The following FAM163B variants were observed in gnomAD, a reference collection of about 807,000 sequenced individuals.
The protein encoded by FAM163B is family with sequence similarity 163 member B, also known as protein FAM163B.
In FAM163B, 4 loss-of-function variants were observed where a neutral mutation model predicts 7.6. The ratio of observed to expected loss-of-function variants is 0.52; its 90% CI spans 0.26 to 1.20. The LOEUF is 1.20. Among genes scored for constraint, FAM163B ranks in the 50% most tolerant of loss-of-function variants. The probability of loss-of-function intolerance (pLI) is 0.14; values close to 1 mark genes in which losing one functional copy is unlikely to be tolerated. For missense variants in FAM163B, 250 were observed against 243.0 expected (o/e 1.03, Z -0.19); for synonymous variants, 120 against 111.6 (o/e 1.07, Z -0.47).
At chr9:133,586,388 C>T (rs1259868927) in intron 1 of FAM163B, among the ~76,000 whole-genome samples, 1 of 152,214 alleles carries the variant, frequency 6.6e-6, no homozygotes, top group South Asian at 2.1e-4. Flanking sequence ...TGCTGCCGGG[C>T]TTGGCACAGA....
intron 1 of FAM163B, among the ~76,000 whole-genome samples, chr9:133,597,079 C>T (rs1342237002): frequency 6.6e-6 from 1 of 152,170 alleles, no homozygotes; most frequent in Non-Finnish European, 1.5e-5. Context: ...TTCAAAATAT[C>T]TGGCATCCAG....
In FAM163B at chr9:133,600,774, C is replaced by T. The variant is rs1347494441; in HGVS notation, c.-24+8303G>A. 2.0e-5 allele frequency among the ~76,000 whole-genome samples: 3 copies of T among 152,162 alleles called. No homozygotes were observed. The highest frequency in any genetic ancestry group is 2.9e-5 in the Non-Finnish European group (2 of 68,030). On this transcript the variant is annotated intron_variant, in intron 1 of 2. Coordinates refer to ENST00000673969, the MANE Select transcript of FAM163B (RefSeq NM_001080515.3). The surrounding 1 kb of genome is among the most constrained non-coding windows in gnomAD (Gnocchi z 4.9). Reference sequence around the variant, plus strand: ...GCTGCTCAGAATCTGAGACTCCTTTCCTCTTCGATTCGGAAGGGACTTTGG... The same window carrying T: ...GCTGCTCAGAATCTGAGACTCCTTTTCTCTTCGATTCGGAAGGGACTTTGG...
At chr9:133,590,055 CCCTTCCCTTCCCCTT>C (rs1413794468) in intron 1 of FAM163B, among the ~76,000 whole-genome samples, 4,675 of 32,314 alleles carry the variant, frequency 0.14, 920 homozygotes, top group African/African-American at 0.27. Flanking sequence ...CCCTTCCCTT[CCCTTCCCTTCCCCTT>C]CCCTTCCCCT....
intron 1 of FAM163B, among the ~76,000 whole-genome samples, chr9:133,592,289 A>G (rs1199192465): frequency 3.3e-5 from 5 of 152,122 alleles, no homozygotes; most frequent in African/African-American, 1.2e-4. Flanking sequence ...TGTCTACAGG[A>G]ATCACGACTG....
intron 1 of FAM163B, among the ~76,000 whole-genome samples, chr9:133,599,428 G>C (rs1474731391): frequency 6.6e-6 from 1 of 152,154 alleles, no homozygotes; most frequent in Admixed American, 6.5e-5. Context: ...GTGTCTGTGT[G>C]TTTGCATCTG....
At chr9:133,608,595 T>TTCTGCA (rs1398536444) in intron 1 of FAM163B, among the ~76,000 whole-genome samples, 1 of 152,204 alleles carries the variant, frequency 6.6e-6, no homozygotes, top group African/African-American at 2.4e-5. Context: ...GAGACTCAGT[T>TTCTGCA]TCTGCATCTG....
rs1487060881 is a variant in FAM163B at position 133,600,707 on chromosome 9, G to A, written c.-24+8370C>T. Among the ~76,000 whole-genome samples, 3 of 105,938 alleles carry A rather than the reference G, an allele frequency of 2.8e-5. No homozygotes were observed. The highest frequency in any genetic ancestry group is 1.4e-4 in the African/African-American group (3 of 21,834). 69.5% of individuals were successfully genotyped at this position (105,938 alleles called of 152,430 possible). On this transcript the variant is annotated intron_variant, in intron 1 of 2. Coordinates refer to ENST00000673969, the MANE Select transcript of FAM163B (RefSeq NM_001080515.3). The surrounding 1 kb of genome is among the most constrained non-coding windows in gnomAD (Gnocchi z 4.9). ...AGTCGCAGGCTCCCAGAATCTTAAA[G>A]CCACATTTTAGAGTCTTAAAAATCA...
At position 133,601,258 on chromosome 9, in the gene FAM163B, A is replaced by AT. The variant is rs374885002; in HGVS notation, c.-24+7818dup. On this transcript the variant is annotated intron_variant, in intron 1 of 2. Transcript: ENST00000673969. The surrounding 1 kb of genome is among the most constrained non-coding windows in gnomAD (Gnocchi z 4.1). ...TTGGAGCCGACTCAGTGATTCTATTATAACTTGTGCAGGTAACTCTGCTGC... is the reference window on the plus strand; with the variant it reads ...TTGGAGCCGACTCAGTGATTCTATTATTAACTTGTGCAGGTAACTCTGCTGC... Among the ~76,000 whole-genome samples the AT allele has an allele frequency of 9.0e-4, 137 of 152,292 alleles. 2 individuals carry two copies. Among genetic ancestry groups the AT allele is most frequent in the African/African-American group, 3.1e-3 (129 of 41,568 alleles).
chr9:133,584,324 C>A (rs1399481354), intron 1 of FAM163B, among the ~76,000 whole-genome samples: 1 of 152,156 alleles, frequency 6.6e-6, no homozygotes, highest in Non-Finnish European at 1.5e-5. Flanking sequence ...TCCTGCTCTA[C>A]TCTTGCGGGT....
chr9:133,586,352 G>GA (rs1478745421), intron 1 of FAM163B, among the ~76,000 whole-genome samples: 1 of 152,242 alleles, frequency 6.6e-6, no homozygotes, highest in African/African-American at 2.4e-5. Flanking sequence ...CTAGGAGGCA[G>GA]AAAATGCCCA....
intron 1 of FAM163B, among the ~76,000 whole-genome samples, chr9:133,599,979 G>C (rs1214302782): frequency 1.3e-5 from 2 of 150,460 alleles, no homozygotes; most frequent in East Asian, 2.0e-4. Context: ...GTGTGTGTCT[G>C]TGTGCATATG....
chr9:133,592,891 G>C (rs945094740), intron 1 of FAM163B, among the ~76,000 whole-genome samples: 2 of 152,140 alleles, frequency 1.3e-5, no homozygotes, highest in Non-Finnish European at 2.9e-5. Context: ...ACCTGGGGCA[G>C]TTACACCTGC....
Position 133,601,848 on chromosome 9 carries a change from G to A in FAM163B, c.-24+7229C>T, listed in dbSNP as rs530583711. 2.9e-4 allele frequency among the ~76,000 whole-genome samples: 44 copies of A among 152,318 alleles called. 1 individual carries two copies. The highest frequency in any genetic ancestry group is 6.2e-4 in the South Asian group (3 of 4,822). The stretch of plus-strand genomic sequence containing the variant: ...AAAGCTGGGACCTGGCACTGGCCAG[G>A]AGGTCCTTCAGGCAGCGAGGGGGGT... On this transcript the variant is annotated intron_variant, in intron 1 of 2. Coordinates refer to ENST00000673969, the MANE Select transcript of FAM163B (RefSeq NM_001080515.3). The surrounding 1 kb of genome is among the most constrained non-coding windows in gnomAD (Gnocchi z 4.1).
At chr9:133,580,935 A>G (rs1478205855) in intron 1 of FAM163B, among the ~76,000 whole-genome samples, 1 of 152,244 alleles carries the variant, frequency 6.6e-6, no homozygotes, top group African/African-American at 2.4e-5. Context: ...GGCTTCTTAC[A>G]TTAAAGAAAT....
intron 1 of FAM163B, among the ~76,000 whole-genome samples, chr9:133,599,769 T>C (rs1272313735): frequency 6.6e-6 from 1 of 150,450 alleles, no homozygotes; most frequent in African/African-American, 2.4e-5. Context: ...TACAAGTGTG[T>C]TTTTGTCTGT....
chr9:133,607,827 T>G (rs1831808403), intron 1 of FAM163B, among the ~76,000 whole-genome samples: 1 of 152,164 alleles, frequency 6.6e-6, no homozygotes, highest in East Asian at 1.9e-4. Context: ...TGAGATTTTT[T>G]CACAAGCTGC....
intron 1 of FAM163B, among the ~76,000 whole-genome samples, chr9:133,604,953 G>C (rs1208258587): frequency 1.3e-5 from 2 of 152,266 alleles, no homozygotes; most frequent in Non-Finnish European, 2.9e-5. Context: ...GTTGCACACA[G>C]AAACTGTGGA....
chr9:133,600,621 A>C lies in FAM163B; in HGVS notation c.-24+8456T>G, dbSNP rs986590489. 6.6e-6 allele frequency among the ~76,000 whole-genome samples: 1 copy of C among 152,056 alleles called. No individual in the cohort carries two copies. The highest frequency in any genetic ancestry group is 6.6e-5 in the Admixed American group (1 of 15,264). On this transcript the variant is annotated intron_variant, in intron 1 of 2. Transcript: ENST00000673969. This position sits in a 1 kb window ranked among gnomAD's most constrained non-coding sequence, Gnocchi z 4.9. ...GGAGCAGGGGTAAAACCAGAGGGTA[A>C]AAGGATGGGTGGAAGCCCAAGACTC...
At chr9:133,581,913 G>C (rs1481478402) in intron 1 of FAM163B, among the ~76,000 whole-genome samples, 1 of 152,186 alleles carries the variant, frequency 6.6e-6, no homozygotes, top group African/African-American at 2.4e-5. Context: ...CATCCTGTGC[G>C]TGACCTGGAT....
Sources: allele counts gnomAD v4.1 joint callset (sites outside exome capture counted in the v4.1 genomes callset), GRCh38; gene constraint gnomAD v4.1.1; non-coding constraint Gnocchi (gnomAD v3.1); transcripts MANE v1.5; gene names NCBI Gene and HGNC (gene_info 2026-07-23, HGNC 2026-07-21).